The following NBEA variants were observed in gnomAD, a reference collection of about 807,000 sequenced individuals.
NBEA encodes lysosomal-trafficking regulator 2.
NBEA carries 44 observed loss-of-function variants against 343.4 expected under a neutral mutation model. The ratio of observed to expected loss-of-function variants is 0.13; its 90% confidence interval spans 0.10 to 0.16. The LOEUF (loss-of-function observed/expected upper bound fraction) is 0.16, where lower values mean the gene tolerates loss of function less well. NBEA is among the 10% of genes least tolerant of loss of function. The pLI is 1.00. For synonymous variants in NBEA, 1,175 were observed against 1,238.7 expected, an observed-to-expected ratio of 0.95 and a Z score of 1.08; for missense variants, 2,555 against 3,631.3, an observed-to-expected ratio of 0.70 and a Z score of 7.62.
intron 1 of NBEA, among the ~76,000 whole-genome samples, chr13:34,980,148 G>A (rs1030431986): frequency 1.3e-5 from 2 of 151,806 alleles, no homozygotes; most frequent in African/African-American, 4.8e-5. Flanking sequence ...TTTCCAATTT[G>A]TTGTTGTTGT....
intron 17 of NBEA, among the ~76,000 whole-genome samples, chr13:35,137,246 C>T (rs1175524436): frequency 1.3e-5 from 2 of 152,062 alleles, no homozygotes; most frequent in African/African-American, 2.4e-5. Flanking sequence ...GTCAGGAGAT[C>T]GAGACCATCC....
rs972265851 is a variant in NBEA, at chr13:35,124,743, TAC to T, written c.2336+1175_2336+1176del. ...ATATATACACATATGTATGGATATATACACACATATGTATGGATATATATACA... is the reference window on the plus strand; with the variant it reads ...ATATATACACATATGTATGGATATATACACATATGTATGGATATATATACA... On this transcript the variant is annotated intron_variant, in intron 17 of 58. Transcript: ENST00000379939. Among the ~76,000 whole-genome samples the T allele has an allele frequency of 2.0e-4, 31 of 151,650 alleles. No homozygotes were observed. In the South Asian group the frequency reaches 4.8e-3, roughly 23 times the overall value.
intron 1 of NBEA, among the ~76,000 whole-genome samples, chr13:34,977,033 C>G (rs1280757215): frequency 7.3e-5 from 11 of 151,348 alleles, no homozygotes; most frequent in Admixed American, 7.2e-4. Context: ...GTCTGCCTCC[C>G]AGGTTCAAGT....
At chr13:34,945,538 GA>G (rs1287943552) in intron 1 of NBEA, among the ~76,000 whole-genome samples, 1 of 151,996 alleles carries the variant, frequency 6.6e-6, no homozygotes, top group African/African-American at 2.4e-5. Flanking sequence ...TTAGAGTTTG[GA>G]AACCTTTAAT....
intron 44 of NBEA, among the ~76,000 whole-genome samples, chr13:35,561,697 AGTATTAAT>A (rs1346606049): frequency 1.3e-5 from 2 of 152,194 alleles, no homozygotes; most frequent in Admixed American, 1.3e-4. Flanking sequence ...TCAGTATCAT[AGTATTAAT>A]GCATTATGCA....
chr13:35,580,370 C>G (rs928437133), intron 45 of NBEA, among the ~76,000 whole-genome samples: 6 of 152,052 alleles, frequency 3.9e-5, no homozygotes, highest in African/African-American at 1.4e-4. Flanking sequence ...AAAAATATTG[C>G]AAAGTAAATT....
At chr13:35,422,729 C>T (rs2044375289) in intron 38 of NBEA, among the ~76,000 whole-genome samples, 1 of 152,220 alleles carries the variant, frequency 6.6e-6, no homozygotes, top group African/African-American at 2.4e-5. Flanking sequence ...GCCACACTGT[C>T]TTCCACAATG....
At chr13:35,626,675 A>AT (rs1233446892) in intron 48 of NBEA, among the ~76,000 whole-genome samples, 1 of 152,156 alleles carries the variant, frequency 6.6e-6, no homozygotes, top group African/African-American at 2.4e-5. Context: ...TTAGACTGAC[A>AT]TTTTTTCTTA....
chr13:35,181,418 G>A (rs1051193114), intron 28 of NBEA, among the ~76,000 whole-genome samples: 6 of 151,396 alleles, frequency 4.0e-5, no homozygotes, highest in African/African-American at 7.3e-5. Context: ...AATTACTGAT[G>A]TTGAGCATTT....
At chr13:35,278,960 G>A (rs1227610708) in intron 34 of NBEA, among the ~76,000 whole-genome samples, 2 of 152,012 alleles carry the variant, frequency 1.3e-5, no homozygotes, top group East Asian at 1.9e-4. Context: ...TAACTTTTAA[G>A]TATCATGAAA....
intron 36 of NBEA, among the ~76,000 whole-genome samples, chr13:35,323,481 C>T (rs1184783515): frequency 2.0e-5 from 3 of 148,552 alleles, no homozygotes; most frequent in Non-Finnish European, 3.0e-5. Context: ...AACCAAACAC[C>T]ACATATTCTC....
At chr13:35,401,713 A>G (rs996047141) in intron 38 of NBEA, among the ~76,000 whole-genome samples, 8 of 152,030 alleles carry the variant, frequency 5.3e-5, no homozygotes, top group Non-Finnish European at 1.2e-4. Context: ...ATGTGCTTTT[A>G]GAGAAGGCAG....
chr13:35,598,557 T>G (rs942927998), intron 47 of NBEA, among the ~76,000 whole-genome samples: 1 of 152,204 alleles, frequency 6.6e-6, no homozygotes, highest in Non-Finnish European at 1.5e-5. Flanking sequence ...TACAGCAGCT[T>G]TAAAACTGTG....
At chr13:34,944,750 G>A (rs898387645) in intron 1 of NBEA, among the ~76,000 whole-genome samples, 3 of 152,142 alleles carry the variant, frequency 2.0e-5, no homozygotes, top group African/African-American at 7.2e-5. Flanking sequence ...CACATTTTTA[G>A]TTGCAGTTTT....
At chr13:35,241,097 A>G (rs2030185562) in intron 34 of NBEA, among the ~76,000 whole-genome samples, 1 of 151,908 alleles carries the variant, frequency 6.6e-6, no homozygotes, top group Non-Finnish European at 1.5e-5. Context: ...TTGATTTAAA[A>G]TAATTTTTAA....
At chr13:35,364,821 G>T (rs902516059) in intron 38 of NBEA, among the ~76,000 whole-genome samples, 5 of 151,766 alleles carry the variant, frequency 3.3e-5, no homozygotes, top group Admixed American at 2.6e-4. Context: ...GGTATTGCCT[G>T]ATTTAACAGG....
intron 38 of NBEA, among the ~76,000 whole-genome samples, chr13:35,388,378 T>C (rs2042348901): frequency 1.3e-5 from 2 of 152,160 alleles, no homozygotes; most frequent in Admixed American, 1.3e-4. Flanking sequence ...GTGATGGTTC[T>C]CTACATTAAG....
intron 45 of NBEA, among the ~76,000 whole-genome samples, chr13:35,582,906 C>A (rs1423708728): frequency 6.6e-6 from 1 of 152,100 alleles, no homozygotes; most frequent in Non-Finnish European, 1.5e-5. Flanking sequence ...TCTACTACTT[C>A]TCTTGTTAAA....
chr13:35,633,349 A>G (rs4466960), intron 49 of NBEA, among the ~76,000 whole-genome samples: 139,415 of 150,162 alleles, frequency 0.93, 64,940 homozygotes, highest in East Asian at 1. Context: ...TGATCCGCCC[A>G]CCTCGGCCTT....
Sources: gnomAD v4.1 joint callset for allele counts (sites outside exome capture counted in the v4.1 genomes callset) on GRCh38, gnomAD v4.1.1 for gene constraint, MANE v1.5 for transcripts, NCBI Gene and HGNC (gene_info 2026-07-23, HGNC 2026-07-21) for gene names.